Variants in SYNE2 observed in about 807,000 individuals in gnomAD.
SYNE2 encodes spectrin repeat containing nuclear envelope protein 2.
Under a neutral mutation model 856.3 loss-of-function variants are expected in SYNE2, and 431 were observed. The ratio of observed to expected loss-of-function variants is 0.50; its 90% CI spans 0.47 to 0.55. The LOEUF (loss-of-function observed/expected upper bound fraction) is 0.55. Among genes scored for constraint, SYNE2 ranks in the 20% least tolerant of loss-of-function variants. The pLI, the probability that SYNE2 is intolerant of heterozygous loss-of-function variation, is 0.00. For missense variants in SYNE2, 8,129 were observed against 8,023.2 expected (o/e 1.01, Z -0.50); for synonymous variants, 2,923 against 2,872.3 (o/e 1.02, Z -0.56).
chr14:64,223,908 A>T (rs2098706195), intron 113 of SYNE2, among the ~76,000 whole-genome samples: 1 of 152,022 alleles, frequency 6.6e-6, no homozygotes, highest in African/African-American at 2.4e-5. Context: ...CATCTACTCA[A>T]ACTGCTGCTG....
At chr14:63,809,203 A>G (rs1595131225) in intron 1 of SYNE2, among the ~76,000 whole-genome samples, 1 of 152,138 alleles carries the variant, frequency 6.6e-6, no homozygotes, top group East Asian at 1.9e-4. Flanking sequence ...ACCTTTAAAT[A>G]AAGCGTTTGT....
chr14:64,109,947 T>C (rs892265028), intron 65 of SYNE2, among the ~76,000 whole-genome samples: 4 of 152,230 alleles, frequency 2.6e-5, no homozygotes, highest in Non-Finnish European at 5.9e-5. Context: ...TCTTGACCCG[T>C]ATTACAACCA....
chr14:64,099,784 A>C (rs1489497978), intron 63 of SYNE2: 10 of 151,876 alleles, frequency 6.6e-5, no homozygotes, highest in Admixed American at 3.9e-4. Flanking sequence ...GTTTTAGGGT[A>C]CATGTGCACA....
chr14:64,062,622 C>T, intron 49 of SYNE2, 129 bp from the exon 50 acceptor site: 1 of 894,024 alleles, frequency 1.1e-6, no homozygotes, highest in Non-Finnish European at 1.7e-6. Context: ...AAATGCATTG[C>T]CTAGCAAAAA....
intron 1 of SYNE2, among the ~76,000 whole-genome samples, chr14:63,771,716 G>A (rs1034383965): frequency 3.3e-5 from 5 of 151,998 alleles, no homozygotes; most frequent in Non-Finnish European, 7.4e-5. Flanking sequence ...TGGCCAACAG[G>A]GTGAAACCCT....
rs1234136455 is a variant in SYNE2, at chr14:64,053,548, T to C, written c.9635T>C (p.Ile3212Thr). 1.2e-6 allele frequency: 2 copies of C among 1,614,218 alleles called. No individual in the cohort carries two copies. Among genetic ancestry groups the C allele is most frequent in the East Asian group, 2.2e-5 (1 of 44,894 alleles). ...EMCSIKAVTA[I>T]EKQREENSSE... ...TGTAGTATTAAAGCTGTGACTGCTA[T>C]TGAGAAACAAAGAGAAGAAAACTCT... Residue 3212 changes from isoleucine to threonine, a missense_variant, in exon 48 of 116, where the codon ATT becomes ACT. By Grantham distance (89) the Ile-to-Thr change is moderately conservative (BLOSUM62 -1). Coordinates refer to ENST00000555002, the MANE Select transcript of SYNE2 (RefSeq NM_182914.3).
chr14:64,116,865 G>A (rs1185182393), intron 66 of SYNE2, among the ~76,000 whole-genome samples: 1 of 152,198 alleles, frequency 6.6e-6, no homozygotes, highest in Non-Finnish European at 1.5e-5. Context: ...ACTTGTAGCT[G>A]TTAAAATGAA....
intron 14 of SYNE2, among the ~76,000 whole-genome samples, chr14:63,979,927 G>C (rs894850419): frequency 3.4e-5 from 5 of 147,714 alleles, no homozygotes; most frequent in African/African-American, 7.3e-5. Flanking sequence ...ATAGAAATGA[G>C]GGGGGGAAGG....
In SYNE2 at chr14:63,915,675, A is replaced by T. The variant is rs145438818; in HGVS notation, c.79+6448A>T. 8.2e-3 allele frequency among the ~76,000 whole-genome samples: 1,243 copies of T among 152,242 alleles called. 18 individuals carry two copies. Among genetic ancestry groups the T allele is most frequent in the Non-Finnish European group, 7.7e-3 (524 of 68,014 alleles). On this transcript the variant is annotated intron_variant, in intron 2 of 115. Coordinates refer to ENST00000555002, the MANE Select transcript of SYNE2 (RefSeq NM_182914.3). ...TACTGTGTCATTTCAAACAAGGCTC[A>T]TATGTTTTATTTAATGCTGTTATTG... is the stretch of plus-strand genomic sequence containing the variant.
rs777240963 is a variant in SYNE2 at position 64,002,103 on chromosome 14, G to A, written c.3786+22G>A. 3 of 1,567,844 alleles carry A rather than the reference G, an allele frequency of 1.9e-6. No individual in the cohort carries two copies. The Admixed American group carries it at 5.0e-5, about 26-fold the overall frequency. ...AAGGGTAAGTATATAAGTTCTCACA[G>A]TGTATTTACAGAATAATCGAGTCTT... On this transcript the variant is annotated intron_variant, in intron 29 of 115. Coordinates refer to ENST00000555002, the MANE Select transcript of SYNE2 (RefSeq NM_182914.3).
At chr14:64,021,804 G>A in intron 36 of SYNE2, 53 bp from the exon 37 acceptor site, 1 of 1,582,396 alleles carries the variant, frequency 6.3e-7, no homozygotes, top group South Asian at 1.1e-5. Context: ...TATGCTTTGT[G>A]TAATTTGAGC....
At chr14:63,997,879 G>A (rs1199395567) in intron 25 of SYNE2, among the ~76,000 whole-genome samples, 2 of 152,198 alleles carry the variant, frequency 1.3e-5, no homozygotes, top group African/African-American at 4.8e-5. Flanking sequence ...CAGATCATGT[G>A]GAGGAAGGAA....
Position 63,928,049 on chromosome 14 carries a change from T to C in SYNE2, c.80-12565T>C, listed in dbSNP as rs546681347. Among the ~76,000 whole-genome samples, 260 of 149,486 alleles carry C rather than the reference T, an allele frequency of 1.7e-3. 1 individual carries two copies. Among genetic ancestry groups the C allele is most frequent in the Middle Eastern group, 0.01 (3 of 294 alleles). ...AGAATGGACTAATATACCATCTCTA[T>C]AAAAAGTAGGAAAAAAAAAAAGACT... is the stretch of plus-strand genomic sequence containing the variant. On this transcript the variant is annotated intron_variant, in intron 2 of 115. Coordinates refer to ENST00000555002, the MANE Select transcript of SYNE2 (RefSeq NM_182914.3).
intron 2 of SYNE2, among the ~76,000 whole-genome samples, chr14:63,918,121 G>C (rs1023142549): frequency 6.6e-5 from 10 of 152,090 alleles, no homozygotes; most frequent in African/African-American, 7.2e-5. Context: ...CATGTATGTC[G>C]GGTGGGGGTG....
chr14:63,811,234 A>G (rs972292705), intron 1 of SYNE2, among the ~76,000 whole-genome samples: 3 of 152,024 alleles, frequency 2.0e-5, no homozygotes, highest in African/African-American at 7.2e-5. Context: ...AACATTAGTT[A>G]TCTTACCAAG....
At chr14:63,976,490 A>G (rs536016248) in intron 11 of SYNE2, 73 bp from the exon 12 acceptor site, 3 of 1,499,358 alleles carry the variant, frequency 2.0e-6, no homozygotes, top group African/African-American at 2.8e-5. Flanking sequence ...AGAATCAAAC[A>G]TACTGTATGT....
At chr14:64,224,926 A>ATT (rs35455974) in intron 114 of SYNE2, 73 bp from the exon 115 acceptor site, 58 of 1,276,732 alleles carry the variant, frequency 4.5e-5, no homozygotes, top group Admixed American at 5.7e-5. Context: ...TTAAGGGAGG[A>ATT]TTTTTTTTTT....
At position 64,167,264 on chromosome 14, in the gene SYNE2, C is replaced by A; in HGVS notation, c.16637C>A (p.Pro5546His). 1 of 1,614,190 alleles carries A rather than the reference C, an allele frequency of 6.2e-7. No homozygotes were observed. The highest frequency in any genetic ancestry group is 1.3e-5 in the African/African-American group (1 of 75,044). The change falls in exon 91 of 116, where the codon CCT becomes CAT. Residue 5546 changes from proline (P) to histidine (H), a missense_variant. By Grantham distance (77) the Pro-to-His change is moderately conservative. Transcript: ENST00000555002. ...NHVLALTAQS[P>H]DIEHLNEVSL... ...GTGCTGGCACTGACAGCCCAATCAC[C>A]TGATATTGAACATTTGAATGAAGTG...
intron 78 of SYNE2, 93 bp from the exon 79 acceptor site, chr14:64,137,694 G>A: frequency 7.8e-7 from 1 of 1,289,410 alleles, no homozygotes; most frequent in South Asian, 1.3e-5. Flanking sequence ...TTTATCAGTG[G>A]ACACAAATGT....
Sources: gnomAD v4.1 joint callset for allele counts (sites outside exome capture counted in the v4.1 genomes callset) on GRCh38, gnomAD v4.1.1 for gene constraint, MANE v1.5 for transcripts, NCBI Gene and HGNC (gene_info 2026-07-23, HGNC 2026-07-21) for gene names.